Variants in MDGA2 observed in about 807,000 individuals in gnomAD.
MDGA2 encodes MAM domain-containing glycosylphosphatidylinositol anchor protein 2.
MDGA2 carries 40 observed loss-of-function variants against 117.8 expected under a neutral mutation model. The ratio of observed to expected loss-of-function variants is 0.34; its 90% CI spans 0.26 to 0.44. The LOEUF (loss-of-function observed/expected upper bound fraction) is 0.44. MDGA2 is among the 20% of genes least tolerant of loss of function. MDGA2 has a pLI of 1.00. For synonymous variants in MDGA2, 452 were observed against 439.0 expected, an observed-to-expected ratio of 1.03 and a Z score of -0.37; for missense variants, 1,123 against 1,250.6, an observed-to-expected ratio of 0.90 and a Z score of 1.54.
At chr14:47,579,404 G>C (rs1896185648) in intron 1 of MDGA2, among the ~76,000 whole-genome samples, 1 of 152,016 alleles carries the variant, frequency 6.6e-6, no homozygotes, top group Admixed American at 6.6e-5. Flanking sequence ...CATAATCAAA[G>C]TCTATAGTGC....
At chr14:47,343,341 C>G in intron 1 of MDGA2, 1 of 851,072 alleles carries the variant, frequency 1.2e-6, no homozygotes, top group Non-Finnish European at 1.4e-6. Flanking sequence ...ACTGAATACT[C>G]CCACAGCTCA....
intron 6 of MDGA2, among the ~76,000 whole-genome samples, chr14:47,086,100 T>TTTTTTG (rs1336090325): frequency 5.0e-5 from 7 of 140,186 alleles, no homozygotes; most frequent in African/African-American, 1.5e-4. Flanking sequence ...TAAGGTTTTT[T>TTTTTTG]TTTTTTGTTT....
At chr14:47,597,849 C>T (rs1441314463) in intron 1 of MDGA2, among the ~76,000 whole-genome samples, 1 of 101,732 alleles carries the variant, frequency 9.8e-6, no homozygotes, top group African/African-American at 4.4e-5. Context: ...CACACATACA[C>T]ACACACACAC....
chr14:46,971,219 A>C (rs1327812147), intron 8 of MDGA2, among the ~76,000 whole-genome samples: 1 of 152,158 alleles, frequency 6.6e-6, no homozygotes, highest in African/African-American at 2.4e-5. Flanking sequence ...ATATTTATCC[A>C]AAGGAAAAGA....
chr14:47,048,469 T>TA (rs1243591401), intron 7 of MDGA2, among the ~76,000 whole-genome samples: 2 of 152,226 alleles, frequency 1.3e-5, no homozygotes, highest in Admixed American at 6.6e-5. Flanking sequence ...ACTTCTGCAA[T>TA]AAAAAGGCCA....
At chr14:47,419,720 T>C (rs1594847885) in intron 1 of MDGA2, among the ~76,000 whole-genome samples, 1 of 152,032 alleles carries the variant, frequency 6.6e-6, no homozygotes, top group Non-Finnish European at 1.5e-5. Context: ...ATATACAATA[T>C]ATTATTATTG....
intron 7 of MDGA2, among the ~76,000 whole-genome samples, chr14:47,036,185 G>T (rs1166360293): frequency 4.7e-5 from 7 of 149,414 alleles, no homozygotes; most frequent in African/African-American, 1.7e-4. Context: ...CAGGAGAATG[G>T]TGTGAACCCG....
At chr14:47,009,623 G>T (rs1009516200) in intron 8 of MDGA2, among the ~76,000 whole-genome samples, 2 of 152,032 alleles carry the variant, frequency 1.3e-5, no homozygotes, top group African/African-American at 4.8e-5. Flanking sequence ...GTGACACAAT[G>T]AATGAACACT....
chr14:47,540,533 T>TGTGTGTGTGTGA (rs1895325845), intron 1 of MDGA2, among the ~76,000 whole-genome samples: 1 of 80,354 alleles, frequency 1.2e-5, no homozygotes, highest in African/African-American at 3.6e-5. Flanking sequence ...TGTGTGTGTG[T>TGTGTGTGTGTGA]GTGTGTGTAT....
intron 1 of MDGA2, among the ~76,000 whole-genome samples, chr14:47,465,017 G>C (rs1177189404): frequency 6.6e-6 from 1 of 152,056 alleles, no homozygotes; most frequent in African/African-American, 2.4e-5. Context: ...TACATGAATG[G>C]AACAGAATAG....
intron 3 of MDGA2, among the ~76,000 whole-genome samples, chr14:47,216,273 A>G (rs905893655): frequency 6.6e-6 from 1 of 152,132 alleles, no homozygotes; most frequent in Non-Finnish European, 1.5e-5. Flanking sequence ...TATCAGACCT[A>G]TTGTTGCAGA....
At position 46,840,827 on chromosome 14, in the gene MDGA2, G is replaced by A. The variant is rs1253834069; in HGVS notation, c.*1104C>T. 6.6e-6 allele frequency: 1 copy of A among 152,382 alleles called. No homozygotes were observed. The highest frequency in any genetic ancestry group is 1.5e-5 in the Non-Finnish European group (1 of 67,962). The allele number at this position is 152,382 out of a possible 1,614,324, so 9.4% of individuals were successfully genotyped here. On this transcript the variant is annotated 3_prime_UTR_variant, in exon 17 of 17. Transcript: ENST00000399232. The stretch of plus-strand genomic sequence containing the variant: ...TCTGGTTGACCCATTTAATAACCTG[G>A]AAGAAAAAAAGTGTTGCTCCATGTC...
intron 1 of MDGA2, among the ~76,000 whole-genome samples, chr14:47,350,221 T>C (rs974316365): frequency 6.6e-6 from 1 of 152,176 alleles, no homozygotes; most frequent in Non-Finnish European, 1.5e-5. Flanking sequence ...TCTGCAACTG[T>C]ATTGTGTGTA....
intron 1 of MDGA2, among the ~76,000 whole-genome samples, chr14:47,629,143 G>GA (rs989830948): frequency 6.6e-6 from 1 of 151,648 alleles, no homozygotes; most frequent in Admixed American, 6.6e-5. Flanking sequence ...TTGGTGACAA[G>GA]AAAAAAAACA....
chr14:47,243,702 G>A (rs529140880), intron 2 of MDGA2, among the ~76,000 whole-genome samples: 1 of 151,598 alleles, frequency 6.6e-6, no homozygotes, highest in South Asian at 2.1e-4. Context: ...CATCAGAAGG[G>A]AGAGACTCCA....
rs1594952830 is a variant in MDGA2 at position 47,630,466 on chromosome 14, CAA to C, written c.280+44049_280+44050del. The stretch of plus-strand genomic sequence containing the variant: ...TAATGCATTTCAGTGACAGATAACA[CAA>C]GTTGATGATCCAAACACTTTGGTTT... On this transcript the variant is annotated intron_variant, in intron 1 of 16. Coordinates refer to ENST00000399232, the MANE Select transcript of MDGA2 (RefSeq NM_001113498.3). Among the ~76,000 whole-genome samples, 6 of 152,260 alleles carry C rather than the reference CAA, an allele frequency of 3.9e-5. No homozygotes were observed. In the East Asian group the frequency reaches 1.2e-3, roughly 29 times the overall value.
At chr14:47,645,047 A>G (rs1305583346) in intron 1 of MDGA2, among the ~76,000 whole-genome samples, 3 of 152,078 alleles carry the variant, frequency 2.0e-5, no homozygotes, top group African/African-American at 7.2e-5. Flanking sequence ...CTGCAGAAAA[A>G]ATCATAGCCC....
intron 1 of MDGA2, among the ~76,000 whole-genome samples, chr14:47,513,498 G>A (rs1430016680): frequency 6.6e-6 from 1 of 151,708 alleles, no homozygotes; most frequent in Non-Finnish European, 1.5e-5. Context: ...AGAATGAATG[G>A]GTAAATGAGC....
intron 10 of MDGA2, among the ~76,000 whole-genome samples, chr14:46,897,822 T>C (rs143954842): frequency 6.6e-6 from 1 of 152,080 alleles, no homozygotes; most frequent in African/African-American, 2.4e-5. Flanking sequence ...GAACATATAA[T>C]ATGAAAAACA....
Sources: allele counts gnomAD v4.1 joint callset (sites outside exome capture counted in the v4.1 genomes callset), GRCh38; gene constraint gnomAD v4.1.1; transcripts MANE v1.5; gene names NCBI Gene and HGNC (gene_info 2026-07-23, HGNC 2026-07-21).